Variants in ULK4 observed in about 807,000 individuals in gnomAD.
The protein encoded by ULK4 is inactive serine/threonine-protein kinase ULK4.
Under a neutral mutation model 160.6 loss-of-function variants are expected in ULK4, and 133 were observed. The ratio of observed to expected loss-of-function variants is 0.83; its 90% CI spans 0.72 to 0.96. The LOEUF (loss-of-function observed/expected upper bound fraction) is 0.96, where lower values mean the gene tolerates loss of function less well. ULK4 is among the 40% of genes least tolerant of loss of function. The pLI, the probability that ULK4 is intolerant of heterozygous loss-of-function variation, is 0.00. For missense variants in ULK4, 1,580 were observed against 1,499.5 expected, an observed-to-expected ratio of 1.05 and a Z score of -0.89; for synonymous variants, 534 against 539.8, an observed-to-expected ratio of 0.99 and a Z score of 0.15.
At chr3:41,925,886 C>T (rs1699369714) in intron 5 of ULK4, among the ~76,000 whole-genome samples, 1 of 152,188 alleles carries the variant, frequency 6.6e-6, no homozygotes, top group Non-Finnish European at 1.5e-5. Flanking sequence ...CTCCCTGGGA[C>T]AGAGCACCTG....
intron 31 of ULK4, among the ~76,000 whole-genome samples, chr3:41,575,051 G>A (rs1422010021): frequency 6.6e-6 from 1 of 152,170 alleles, no homozygotes; most frequent in African/African-American, 2.4e-5. Flanking sequence ...GCAGATGCAG[G>A]GGTGTTGTTA....
intron 27 of ULK4, 61 bp downstream of exon 27, chr3:41,704,996 T>A (rs754506036): frequency 2.9e-6 from 4 of 1,377,288 alleles, no homozygotes; most frequent in Admixed American, 4.2e-5. Context: ...GAGGCCTCTT[T>A]ATATAAGGAA....
chr3:41,711,890 C>T (rs1007570312), intron 25 of ULK4, among the ~76,000 whole-genome samples: 2 of 152,206 alleles, frequency 1.3e-5, no homozygotes, highest in African/African-American at 2.4e-5. Context: ...GTATTCACCA[C>T]AGAACTTCCC....
At chr3:41,731,933 A>C (rs1480444117) in intron 22 of ULK4, among the ~76,000 whole-genome samples, 1 of 152,168 alleles carries the variant, frequency 6.6e-6, no homozygotes, top group Non-Finnish European at 1.5e-5. Context: ...ATCCACATGC[A>C]GAAGAGTGTA....
intron 17 of ULK4, chr3:41,882,398 T>C: frequency 1.5e-6 from 1 of 649,920 alleles, no homozygotes; most frequent in South Asian, 1.7e-5. Context: ...TTCTTTTCTA[T>C]AAGTTGATCA....
intron 16 of ULK4, among the ~76,000 whole-genome samples, chr3:41,887,560 C>T (rs1697766861): frequency 6.6e-6 from 1 of 152,182 alleles, no homozygotes; most frequent in African/African-American, 2.4e-5. Flanking sequence ...GTGGCTCATG[C>T]CTGTAATCCC....
At chr3:41,455,096 G>C (rs1046138309) in intron 34 of ULK4, among the ~76,000 whole-genome samples, 3 of 152,090 alleles carry the variant, frequency 2.0e-5, no homozygotes, top group African/African-American at 7.2e-5. Flanking sequence ...TTGAGATTGA[G>C]GGGGTGGGCC....
intron 35 of ULK4, among the ~76,000 whole-genome samples, chr3:41,344,790 T>C (rs1044762121): frequency 2.5e-5 from 3 of 119,154 alleles, no homozygotes; most frequent in Non-Finnish European, 5.3e-5. Flanking sequence ...AATTGACAAA[T>C]GGGATCTAAT....
At chr3:41,838,919 G>A (rs2041834249) in intron 17 of ULK4, among the ~76,000 whole-genome samples, 1 of 152,178 alleles carries the variant, frequency 6.6e-6, no homozygotes, top group Non-Finnish European at 1.5e-5. Flanking sequence ...CTGAAGCTGG[G>A]GGTGGAGTGG....
chr3:41,940,579 G>T (rs1699917889), intron 2 of ULK4, among the ~76,000 whole-genome samples: 1 of 152,056 alleles, frequency 6.6e-6, no homozygotes, highest in African/African-American at 2.4e-5. Flanking sequence ...GATAGCTGGA[G>T]CCCAGGAGTT....
intron 22 of ULK4, 142 bp from the exon 23 acceptor site, chr3:41,718,003 A>C: frequency 2.1e-6 from 2 of 967,504 alleles, no homozygotes; most frequent in South Asian, 5.0e-5. Flanking sequence ...CTTGTCGGGC[A>C]CAATTTTTGC....
At chr3:41,734,126 G>T (rs192251021) in intron 22 of ULK4, among the ~76,000 whole-genome samples, 1 of 152,254 alleles carries the variant, frequency 6.6e-6, no homozygotes, top group African/African-American at 2.4e-5. Context: ...AGGAAGATCA[G>T]TTAGGAGACC....
intron 34 of ULK4, among the ~76,000 whole-genome samples, chr3:41,444,754 C>T (rs574832393): frequency 6.6e-5 from 10 of 152,116 alleles, no homozygotes; most frequent in Non-Finnish European, 1.3e-4. Flanking sequence ...CCGAGGTGGA[C>T]GGATCACAAA....
chr3:41,813,715 T>C (rs966563135), intron 19 of ULK4, among the ~76,000 whole-genome samples: 1 of 152,248 alleles, frequency 6.6e-6, no homozygotes, highest in African/African-American at 2.4e-5. Flanking sequence ...TATCCTACAG[T>C]CTAAATTTCT....
chr3:41,280,987 C>G (rs2079340678), intron 35 of ULK4, among the ~76,000 whole-genome samples: 1 of 152,024 alleles, frequency 6.6e-6, no homozygotes, highest in Admixed American at 6.6e-5. Flanking sequence ...ACCACCTATC[C>G]CACAAAAATA....
intron 22 of ULK4, among the ~76,000 whole-genome samples, chr3:41,739,185 A>G (rs2038153047): frequency 6.6e-6 from 1 of 151,992 alleles, no homozygotes; most frequent in African/African-American, 2.4e-5. Context: ...AAATGAGTCA[A>G]TCAATATAAG....
chr3:41,789,897 C>A, intron 20 of ULK4, 54 bp from the exon 21 acceptor site: 1 of 1,414,340 alleles, frequency 7.1e-7, no homozygotes, highest in Non-Finnish European at 9.4e-7. Context: ...ATCAATCATT[C>A]CCCTGAAAGG....
intron 34 of ULK4, among the ~76,000 whole-genome samples, chr3:41,430,360 C>G (rs902970173): frequency 6.6e-6 from 1 of 152,124 alleles, no homozygotes; most frequent in Admixed American, 6.5e-5. Context: ...TATTCAGAGA[C>G]TGATCCAAAA....
intron 4 of ULK4, among the ~76,000 whole-genome samples, chr3:41,934,058 A>T (rs753422255): frequency 2.6e-5 from 4 of 152,102 alleles, no homozygotes; most frequent in Non-Finnish European, 5.9e-5. Flanking sequence ...ATAATAAAAT[A>T]AAAAAATTTT....
Sources: gnomAD v4.1 joint callset for allele counts (sites outside exome capture counted in the v4.1 genomes callset) on GRCh38, gnomAD v4.1.1 for gene constraint, MANE v1.5 for transcripts, NCBI Gene and HGNC (gene_info 2026-07-23, HGNC 2026-07-21) for gene names.